Variants in NXF2B observed in about 807,000 individuals in gnomAD.
NXF2B encodes nuclear RNA export factor 2B, also known as nuclear RNA export factor 2.
chrX:102,398,066 T>C, intron 2 of NXF2B, among the ~76,000 whole-genome samples: 1 of 28,167 alleles, frequency 3.6e-5, no homozygotes, highest in Non-Finnish European at 6.3e-5. Flanking sequence ...CAAAATCCCA[T>C]CCAAAAGTGG....
chrX:102,438,610 T>A (rs1281977922), exon 2 of NXF2B: 1 of 61,204 alleles, frequency 1.6e-5, no homozygotes, highest in Admixed American at 1.4e-4. Context: ...ATTGAGGAAA[T>A]GTCAGCCTGG....
At position 102,397,930 on chromosome X, in the gene NXF2B, G is replaced by C. The variant is rs1844255171; in HGVS notation, c.-53-17841C>G. Among the ~76,000 whole-genome samples, 3 of 114,638 alleles carry C rather than the reference G, an allele frequency of 2.6e-5. No homozygotes were observed. The South Asian group carries it at 1.0e-3, about 39-fold the overall frequency. On this transcript the variant is annotated intron_variant, in intron 2 of 22. Transcript: ENST00000602195. Reference sequence around the variant, plus strand: ...AACTAAAAAGCTTCTGCACGGCAAAGGAAATACTCAGAAGAGTAAACAGAC... The same window carrying C: ...AACTAAAAAGCTTCTGCACGGCAAACGAAATACTCAGAAGAGTAAACAGAC...
chrX:102,397,917 T>G, intron 2 of NXF2B, among the ~76,000 whole-genome samples: 1 of 114,751 alleles, frequency 8.7e-6, no homozygotes, highest in Non-Finnish European at 1.9e-5. Flanking sequence ...CTAAAAAGCT[T>G]CTGCACGGCA....
At chrX:102,398,116 A>G (rs1448126692) in intron 2 of NXF2B, among the ~76,000 whole-genome samples, 2,028 of 87,181 alleles carry the variant, frequency 0.023, 322 homozygotes, top group African/African-American at 0.09. Flanking sequence ...AAAAAAAAAA[A>G]AAAAGAAAAG....
chrX:102,377,217 AGT>A (rs1214716436), intron 1 of NXF2B, among the ~76,000 whole-genome samples: 122 of 75,491 alleles, frequency 1.6e-3, no homozygotes, highest in African/African-American at 5.9e-3. Flanking sequence ...AGAGAAAGAG[AGT>A]GTGTGCGCAC....
chrX:102,420,131 C>CT (rs1934405484), intron 2 of NXF2B, among the ~76,000 whole-genome samples: 1 of 36,252 alleles, frequency 2.8e-5, no homozygotes, highest in African/African-American at 1.2e-4. Flanking sequence ...CTAGAATTCT[C>CT]TTTTTTTGCT....
At chrX:102,426,966 C>T (rs1344579669) in intron 2 of NXF2B, 2 of 60,119 alleles carry the variant, frequency 3.3e-5, no homozygotes, top group East Asian at 6.0e-4. Context: ...AACTACAGGA[C>T]GCTTTTGTGG....
chrX:102,435,961 C>T (rs1322459038), intron 2 of NXF2B, among the ~76,000 whole-genome samples: 1 of 32,416 alleles, frequency 3.1e-5, no homozygotes, highest in African/African-American at 1.0e-4. Flanking sequence ...GGCCCCATAT[C>T]GACAAAAAAT....
In NXF2B at chrX:102,377,179, TGTGTGAGA is replaced by T. The variant is rs1225484038; in HGVS notation, c.43+2807_43+2814del. ...GTGTGTGTGTGTGTGTGTGTGTGTG[TGTGTGAGA>T]GAGAGAGAGCGAGAGAGAGAGAGAA... is the stretch of plus-strand genomic sequence containing the variant. On this transcript the variant is annotated intron_variant, in intron 1 of 20. Transcript: ENST00000604395. Among the ~76,000 whole-genome samples the T allele has an allele frequency of 8.0e-3, 423 of 52,877 alleles. 2 individuals are homozygous for T. The highest frequency in any genetic ancestry group is 0.018 in the Middle Eastern group (1 of 57). The allele number at this position is 52,877 out of a possible 115,157, so 45.9% of individuals were successfully genotyped here.
intron 1 of NXF2B, among the ~76,000 whole-genome samples, chrX:102,377,210 G>GT (rs1934242488): frequency 1.4e-4 from 11 of 75,880 alleles, no homozygotes; most frequent in Non-Finnish European, 7.4e-5. Flanking sequence ...GAGAGAGAGA[G>GT]AAAGAGAGTG....
chrX:102,426,484 TTGACTGACTGAC>T, intron 2 of NXF2B, among the ~76,000 whole-genome samples: 1 of 55,307 alleles, frequency 1.8e-5, no homozygotes, highest in South Asian at 1.1e-3. Context: ...ACATGGTTGA[TTGACTGACTGAC>T]TGACTGACTG....
chrX:102,407,956 C>T (rs1474106858), intron 2 of NXF2B, among the ~76,000 whole-genome samples: 4 of 106,300 alleles, frequency 3.8e-5, no homozygotes, highest in Non-Finnish European at 8.0e-5. Flanking sequence ...TGTACAAACT[C>T]GTGTTACCCT....
chrX:102,405,077 C>T (rs1243739259), intron 2 of NXF2B, among the ~76,000 whole-genome samples: 2 of 76,740 alleles, frequency 2.6e-5, no homozygotes, highest in Admixed American at 2.7e-4. Flanking sequence ...GTCAGGAGAT[C>T]GAGACCATCC....
At position 102,412,557 on chromosome X, in the gene NXF2B, A is replaced by G. The variant is rs1162973149; in HGVS notation, c.-54+25996T>C. 9.2e-3 allele frequency among the ~76,000 whole-genome samples: 63 copies of G among 6,816 alleles called. 6 individuals carry two copies. Among genetic ancestry groups the G allele is most frequent in the Non-Finnish European group, 0.012 (42 of 3,374 alleles). 5.9% of individuals were successfully genotyped at this position (6,816 alleles called of 115,157 possible). ...AAGAAGAAGAAGAAGAAGAAGAAGA[A>G]GAAGAAGAAGGAAGAAGAGGAAGAG... is the stretch of plus-strand genomic sequence containing the variant. On this transcript the variant is annotated intron_variant, in intron 2 of 22. Coordinates refer to the NXF2B transcript ENST00000602195.
At chrX:102,397,820 A>C (rs2147822563) in intron 2 of NXF2B, among the ~76,000 whole-genome samples, 1 of 112,957 alleles carries the variant, frequency 8.9e-6, no homozygotes, top group East Asian at 2.8e-4. Context: ...TCTACAATGA[A>C]CTCAAACAAA....
At chrX:102,412,585 AGAG>A (rs782311535) in intron 2 of NXF2B, among the ~76,000 whole-genome samples, 452 of 11,427 alleles carry the variant, frequency 0.04, 44 homozygotes, top group Non-Finnish European at 0.051. Flanking sequence ...AGGAAGAGGA[AGAG>A]GAAGAGGAAG....
At chrX:102,393,549 T>TAA (rs1414783709) in intron 2 of NXF2B, among the ~76,000 whole-genome samples, 1 of 29,972 alleles carries the variant, frequency 3.3e-5, no homozygotes. Context: ...CAAAACTAAA[T>TAA]ATATATATAT....
chrX:102,377,173 TGTGTGTGTGTGAGA>T (rs1363969379), intron 1 of NXF2B, among the ~76,000 whole-genome samples: 8 of 81,120 alleles, frequency 9.9e-5, no homozygotes, highest in East Asian at 5.0e-4. Context: ...TGTGTGTGTG[TGTGTGTGTGTGAGA>T]GAGAGAGAGC....
chrX:102,412,531 GA>G (rs1372341896), intron 2 of NXF2B, among the ~76,000 whole-genome samples: 129 of 1,459 alleles, frequency 0.088, 20 homozygotes, highest in Middle Eastern at 0.25. Context: ...AGAAGAAGAA[GA>G]AGAAGAAGAA....
Sources: allele counts gnomAD v4.1 joint callset (sites outside exome capture counted in the v4.1 genomes callset), GRCh38; gene constraint gnomAD v4.1.1; transcripts MANE v1.5; gene names NCBI Gene and HGNC (gene_info 2026-07-23, HGNC 2026-07-21).